Variants in ATP9B observed in about 807,000 individuals in gnomAD.
ATP9B encodes probable phospholipid-transporting ATPase IIB.
Under a neutral mutation model 146.1 loss-of-function variants are expected in ATP9B, and 110 were observed. The observed-to-expected ratio is 0.75, with a 90% CI of 0.65 to 0.88. ATP9B has a LOEUF of 0.88. Ranked by LOEUF, ATP9B falls within the 40% of genes least tolerant of loss-of-function variation. The pLI, the probability that ATP9B is intolerant of heterozygous loss-of-function variation, is 0.00. For missense variants in ATP9B, 1,499 were observed against 1,496.4 expected (o/e 1.00, Z -0.03); for synonymous variants, 604 against 569.7 (o/e 1.06, Z -0.86).
chr18:79,185,734 G>A (rs531957649), intron 8 of ATP9B, among the ~76,000 whole-genome samples: 7 of 152,270 alleles, frequency 4.6e-5, no homozygotes, highest in South Asian at 4.1e-4. Flanking sequence ...GCTTATGCCC[G>A]TAATCATCCC....
At chr18:79,181,318 G>A (rs2095250014) in intron 8 of ATP9B, among the ~76,000 whole-genome samples, 1 of 152,142 alleles carries the variant, frequency 6.6e-6, no homozygotes, top group South Asian at 2.1e-4. Flanking sequence ...TAAGTGTGTT[G>A]ATGCATTTTC....
At chr18:79,278,647 A>C (rs977153714) in intron 13 of ATP9B, among the ~76,000 whole-genome samples, 13 of 152,102 alleles carry the variant, frequency 8.5e-5, no homozygotes, top group African/African-American at 3.1e-4. Flanking sequence ...TTGAAAGTTC[A>C]GTTGTTGGAT....
At chr18:79,162,674 CAG>C (rs139931036) in intron 7 of ATP9B, among the ~76,000 whole-genome samples, 10,038 of 152,204 alleles carry the variant, frequency 0.066, 403 homozygotes, top group Non-Finnish European at 0.095. Flanking sequence ...AAATTTCATG[CAG>C]AGTCATTAAA....
At chr18:79,270,288 T>G (rs1160993207) in intron 12 of ATP9B, among the ~76,000 whole-genome samples, 3 of 152,062 alleles carry the variant, frequency 2.0e-5, no homozygotes, top group Admixed American at 2.0e-4. Flanking sequence ...ATTCATCTAT[T>G]CTATGTGGCA....
intron 26 of ATP9B, chr18:79,372,495 C>T: frequency 2.1e-6 from 1 of 481,562 alleles, no homozygotes; most frequent in Non-Finnish European, 4.0e-6. Flanking sequence ...GTTTTTATTG[C>T]CAAGAGCCTT....
At chr18:79,318,337 C>G (rs571825326) in intron 15 of ATP9B, among the ~76,000 whole-genome samples, 14 of 152,334 alleles carry the variant, frequency 9.2e-5, no homozygotes, top group African/African-American at 3.4e-4. Flanking sequence ...GATGCAGCCC[C>G]CACAGGATGT....
At chr18:79,071,066 T>TTTTTTTGG (rs371797213) in intron 1 of ATP9B, among the ~76,000 whole-genome samples, 3 of 149,578 alleles carry the variant, frequency 2.0e-5, no homozygotes, top group African/African-American at 7.4e-5. Flanking sequence ...TTTTTTTTTT[T>TTTTTTTGG]GCCACTTTTT....
chr18:79,297,702 A>G (rs771020615), intron 13 of ATP9B, among the ~76,000 whole-genome samples: 3 of 152,240 alleles, frequency 2.0e-5, no homozygotes, highest in Admixed American at 6.5e-5. Flanking sequence ...TTTCAAATAC[A>G]TTATATTATG....
At chr18:79,139,131 C>T (rs2094483476) in intron 5 of ATP9B, among the ~76,000 whole-genome samples, 1 of 152,096 alleles carries the variant, frequency 6.6e-6, no homozygotes, top group Non-Finnish European at 1.5e-5. Flanking sequence ...CATTTTTATC[C>T]TTAGTTGCTA....
chr18:79,328,268 G>T lies in ATP9B; in HGVS notation c.1774-873G>T, dbSNP rs531525715. 8.4e-4 allele frequency among the ~76,000 whole-genome samples: 128 copies of T among 152,316 alleles called. 1 individual carries two copies. Among genetic ancestry groups the T allele is most frequent in the African/African-American group, 2.9e-3 (119 of 41,576 alleles). ...TAGGATTGGCATACCCTATTTATCT[G>T]ATTAATGTCTGGTAGGGAGGTTGCT... On this transcript the variant is annotated intron_variant, in intron 15 of 29. Coordinates refer to ENST00000426216, the MANE Select transcript of ATP9B (RefSeq NM_198531.5).
At chr18:79,346,133 G>A (rs879468924) in intron 23 of ATP9B, among the ~76,000 whole-genome samples, 27 of 148,314 alleles carry the variant, frequency 1.8e-4, no homozygotes, top group Non-Finnish European at 3.0e-4. Context: ...TGTGCCCAGC[G>A]CACAGTCAGC....
At chr18:79,090,230 A>C (rs1262286707) in intron 1 of ATP9B, among the ~76,000 whole-genome samples, 1 of 152,208 alleles carries the variant, frequency 6.6e-6, no homozygotes. Flanking sequence ...GCTGCAACAA[A>C]CATAGGAATG....
rs555706959 is a variant in ATP9B, at chr18:79,155,869, TC to T, written c.778+1318del. Among the ~76,000 whole-genome samples, 41 of 139,724 alleles carry T rather than the reference TC, an allele frequency of 2.9e-4. No individual in the cohort carries two copies. In the South Asian group the frequency reaches 7.5e-3, roughly 25 times the overall value. The allele number at this position is 139,724 out of a possible 152,430, so 91.7% of individuals were successfully genotyped here. A position where few individuals can be genotyped will look rare whatever the true frequency, so the allele number is the denominator to read the frequency against. ...GCTCCGCCTCCTGGGTTCATGCCAC[TC>T]CCCTGCCTCAGCCTCCCGGGTAGCT... On this transcript the variant is annotated intron_variant, in intron 7 of 29. Transcript: ENST00000426216.
intron 7 of ATP9B, among the ~76,000 whole-genome samples, chr18:79,157,396 CAAAAAA>C (rs147316668): frequency 2.5e-4 from 12 of 48,584 alleles, no homozygotes; most frequent in African/African-American, 3.0e-4. Context: ...AACTCCATCT[CAAAAAA>C]AAAAAAAAAA....
At chr18:79,188,557 A>G (rs2095330806) in intron 8 of ATP9B, among the ~76,000 whole-genome samples, 1 of 152,216 alleles carries the variant, frequency 6.6e-6, no homozygotes, top group Non-Finnish European at 1.5e-5. Flanking sequence ...TGGAAAAAGC[A>G]TTCTATCAAA....
chr18:79,122,256 CAG>C (rs951970259), intron 4 of ATP9B, among the ~76,000 whole-genome samples: 7 of 152,066 alleles, frequency 4.6e-5, no homozygotes, highest in Admixed American at 1.3e-4. Context: ...GAGTCACAAA[CAG>C]AACTTTTTTT....
chr18:79,263,005 ATTAC>A (rs898781707), intron 12 of ATP9B, among the ~76,000 whole-genome samples: 38 of 152,128 alleles, frequency 2.5e-4, no homozygotes, highest in African/African-American at 8.9e-4. Flanking sequence ...CAAAAAAGTT[ATTAC>A]TTCTTGTTGC....
intron 2 of ATP9B, among the ~76,000 whole-genome samples, chr18:79,097,623 G>C (rs1205938004): frequency 7.2e-6 from 1 of 139,398 alleles, no homozygotes; most frequent in African/African-American, 2.8e-5. Context: ...AGAATATGCG[G>C]TATTTGGTTT....
intron 28 of ATP9B, among the ~76,000 whole-genome samples, chr18:79,375,061 C>T (rs1314942711): frequency 6.6e-6 from 1 of 152,220 alleles, no homozygotes; most frequent in African/African-American, 2.4e-5. Context: ...TGCAGAGCTC[C>T]TTTCACACCT....
Sources: allele counts gnomAD v4.1 joint callset (sites outside exome capture counted in the v4.1 genomes callset), GRCh38; gene constraint gnomAD v4.1.1; transcripts MANE v1.5; gene names NCBI Gene and HGNC (gene_info 2026-07-23, HGNC 2026-07-21).